The following MACROD2 variants were observed in gnomAD, a reference collection of about 807,000 sequenced individuals.
MACROD2 encodes the protein mono-ADP ribosylhydrolase 2, also known as ADP-ribose glycohydrolase MACROD2.
MACROD2 carries 36 observed loss-of-function variants against 70.4 expected under a neutral mutation model. The observed-to-expected ratio is 0.51, with a 90% CI of 0.39 to 0.68. The LOEUF is 0.68. MACROD2 is among the 30% of genes least tolerant of loss of function. The pLI is 0.00. For synonymous variants in MACROD2, 172 were observed against 178.8 expected (o/e 0.96, Z 0.30); for missense variants, 496 against 538.4 (o/e 0.92, Z 0.78).
chr20:14,366,283 A>G (rs373965073), intron 3 of MACROD2, among the ~76,000 whole-genome samples: 1 of 151,452 alleles, frequency 6.6e-6, no homozygotes, highest in East Asian at 1.9e-4. Context: ...GTTCTCTATT[A>G]TTAGGTGCAT....
intron 3 of MACROD2, among the ~76,000 whole-genome samples, chr20:14,474,411 A>G (rs994129688): frequency 1.3e-5 from 2 of 152,144 alleles, no homozygotes; most frequent in Non-Finnish European, 2.9e-5. Flanking sequence ...TATCCTGGAA[A>G]ATGTTCCATA....
chr20:14,480,202 A>ACAC (rs2084647232), intron 3 of MACROD2, among the ~76,000 whole-genome samples: 2 of 152,186 alleles, frequency 1.3e-5, no homozygotes, highest in African/African-American at 4.8e-5. Flanking sequence ...TGACTATTTT[A>ACAC]CTTACCTGTT....
At chr20:15,243,297 G>A (rs2077076228) in intron 6 of MACROD2, among the ~76,000 whole-genome samples, 1 of 152,178 alleles carries the variant, frequency 6.6e-6, no homozygotes, top group Non-Finnish European at 1.5e-5. Context: ...GTATTTGACA[G>A]TTATGTATTC....
chr20:15,151,304 G>A (rs1202165908), intron 5 of MACROD2, among the ~76,000 whole-genome samples: 2 of 152,104 alleles, frequency 1.3e-5, no homozygotes, highest in African/African-American at 4.8e-5. Flanking sequence ...CAAGCTCCTG[G>A]GGGAGGAGGT....
intron 15 of MACROD2, among the ~76,000 whole-genome samples, chr20:15,991,968 C>T (rs2066564616): frequency 6.6e-6 from 1 of 152,090 alleles, no homozygotes; most frequent in Non-Finnish European, 1.5e-5. Flanking sequence ...TTCTACATGT[C>T]TCTATGTATG....
chr20:14,548,295 C>T (rs1238486552), intron 4 of MACROD2, among the ~76,000 whole-genome samples: 3 of 152,112 alleles, frequency 2.0e-5, no homozygotes, highest in Non-Finnish European at 2.9e-5. Flanking sequence ...TGATAGTTTT[C>T]CCTCTACCCC....
chr20:15,992,475 C>T (rs940487761), intron 15 of MACROD2, among the ~76,000 whole-genome samples: 3 of 152,274 alleles, frequency 2.0e-5, no homozygotes, highest in Admixed American at 1.3e-4. Flanking sequence ...CCCACTCAGA[C>T]ACCACCACCA....
At chr20:14,972,800 AC>A (rs2074703650) in intron 5 of MACROD2, among the ~76,000 whole-genome samples, 1 of 152,140 alleles carries the variant, frequency 6.6e-6, no homozygotes. Context: ...ATGCTTCACT[AC>A]TTTGAGTGAA....
chr20:14,261,658 A>G (rs1044936214), intron 3 of MACROD2, among the ~76,000 whole-genome samples: 1 of 152,192 alleles, frequency 6.6e-6, no homozygotes, highest in Admixed American at 6.6e-5. Context: ...TGAGAACGTT[A>G]TATATGCAAA....
At chr20:15,697,322 T>C (rs1381385839) in intron 8 of MACROD2, among the ~76,000 whole-genome samples, 1 of 152,196 alleles carries the variant, frequency 6.6e-6, no homozygotes, top group African/African-American at 2.4e-5. Context: ...CAATGCTCAT[T>C]TAGGAGCAGG....
intron 9 of MACROD2, among the ~76,000 whole-genome samples, chr20:15,868,603 C>T (rs1044074109): frequency 7.9e-4 from 107 of 135,496 alleles, no homozygotes; most frequent in Middle Eastern, 3.8e-3. Flanking sequence ...TAATACTTTT[C>T]TTTTTTTTTT....
chr20:15,656,527 A>T (rs2049733210), intron 8 of MACROD2, among the ~76,000 whole-genome samples: 1 of 152,202 alleles, frequency 6.6e-6, no homozygotes, highest in Non-Finnish European at 1.5e-5. Context: ...CCTATCTCTG[A>T]ATATTGGATA....
intron 5 of MACROD2, among the ~76,000 whole-genome samples, chr20:14,870,033 A>T (rs2073470542): frequency 6.6e-6 from 1 of 152,112 alleles, no homozygotes; most frequent in Admixed American, 6.6e-5. Context: ...TTTGCTGTAC[A>T]GATTATTTTG....
chr20:14,631,668 A>G (rs1016810023), intron 4 of MACROD2, among the ~76,000 whole-genome samples: 3 of 152,122 alleles, frequency 2.0e-5, no homozygotes, highest in Non-Finnish European at 4.4e-5. Flanking sequence ...CCAGCTACTC[A>G]GGAGGCTGAG....
intron 5 of MACROD2, among the ~76,000 whole-genome samples, chr20:15,061,861 C>A (rs1207998294): frequency 6.6e-6 from 1 of 152,160 alleles, no homozygotes; most frequent in Non-Finnish European, 1.5e-5. Context: ...AGGAAGGGGC[C>A]TGTCTCTCTC....
chr20:14,943,118 GAA>G (rs1160471509), intron 5 of MACROD2, among the ~76,000 whole-genome samples: 1 of 152,212 alleles, frequency 6.6e-6, no homozygotes, highest in Non-Finnish European at 1.5e-5. Flanking sequence ...ACTGACAGTT[GAA>G]AAGTGTTCAA....
intron 4 of MACROD2, among the ~76,000 whole-genome samples, chr20:14,681,565 C>A (rs569517025): frequency 5.9e-5 from 9 of 152,080 alleles, no homozygotes; most frequent in Non-Finnish European, 1.3e-4. Context: ...AAAGTCAGAA[C>A]AGGAACTCCC....
At chr20:15,025,717 G>A (rs1413637625) in intron 5 of MACROD2, among the ~76,000 whole-genome samples, 1 of 152,098 alleles carries the variant, frequency 6.6e-6, no homozygotes, top group African/African-American at 2.4e-5. Context: ...GGAGGGGCTG[G>A]GGTGCTGTCC....
chr20:15,206,659 A>G (rs1428034001), intron 5 of MACROD2, among the ~76,000 whole-genome samples: 1 of 150,340 alleles, frequency 6.7e-6, no homozygotes, highest in East Asian at 1.9e-4. Context: ...TGTAAATGGA[A>G]CCATACACAA....
Sources: gnomAD v4.1 joint callset for allele counts (sites outside exome capture counted in the v4.1 genomes callset) on GRCh38, gnomAD v4.1.1 for gene constraint, MANE v1.5 for transcripts, NCBI Gene and HGNC (gene_info 2026-07-23, HGNC 2026-07-21) for gene names.